AGAP1: variants seen among roughly 807,000 people sequenced by gnomAD.
AGAP1 encodes the protein ArfGAP with GTPase domain, ankyrin repeat and PH domain 1.
A neutral mutation model predicts 105.3 loss-of-function variants in AGAP1; 29 were observed. The observed-to-expected ratio is 0.28, with a 90% confidence interval of 0.21 to 0.38. The LOEUF (loss-of-function observed/expected upper bound fraction) is 0.38. AGAP1 is among the 10% of genes least tolerant of loss of function. AGAP1 has a pLI of 1.00. For missense variants in AGAP1, 998 were observed against 1,165.1 expected (o/e 0.86, Z 2.09); for synonymous variants, 509 against 485.9 (o/e 1.05, Z -0.63).
In AGAP1 at chr2:235,842,737, T is replaced by C. The variant is rs953352114; in HGVS notation, c.1050+35406T>C. Among the ~76,000 whole-genome samples, 1 of 151,112 alleles carries C rather than the reference T, an allele frequency of 6.6e-6. No homozygotes were observed. Among genetic ancestry groups the C allele is most frequent in the Non-Finnish European group, 1.5e-5 (1 of 68,012 alleles). On this transcript the variant is annotated intron_variant, in intron 9 of 17. Coordinates refer to ENST00000304032, the MANE Select transcript of AGAP1 (RefSeq NM_001037131.3). This position sits in a 1 kb window ranked among gnomAD's most constrained non-coding sequence, Gnocchi z 5.3. Reference sequence around the variant, plus strand: ...CAGGTTTGTTTTTTTTGTTTTGTTTTGTTTTTTTGAGATGGAGTCTCACTC... The same window carrying C: ...CAGGTTTGTTTTTTTTGTTTTGTTTCGTTTTTTTGAGATGGAGTCTCACTC...
chr2:235,763,990 G>GCAGCTGTGATCCGTGCA (rs1954689025), intron 6 of AGAP1, among the ~76,000 whole-genome samples: 1 of 94,810 alleles, frequency 1.1e-5, no homozygotes, highest in Non-Finnish European at 2.3e-5. Context: ...AGATCTGTGT[G>GCAGCTGTGATCCGTGCA]TGGCTGTGAT....
intron 1 of AGAP1, among the ~76,000 whole-genome samples, chr2:235,603,946 G>C (rs991516599): frequency 3.9e-5 from 6 of 152,082 alleles, no homozygotes; most frequent in Non-Finnish European, 7.3e-5. Context: ...CTTGGCACAG[G>C]CACCCATCAA....
At chr2:235,677,575 C>T (rs1257359071) in intron 1 of AGAP1, among the ~76,000 whole-genome samples, 1 of 152,010 alleles carries the variant, frequency 6.6e-6, no homozygotes, top group African/African-American at 2.4e-5. Context: ...GTGTTGTGGT[C>T]AACACACAGG....
chr2:235,704,969 C>T (rs66714775), intron 1 of AGAP1, among the ~76,000 whole-genome samples: 15,984 of 57,920 alleles, frequency 0.28, 1,601 homozygotes, highest in South Asian at 0.37. Context: ...ATGCTTTTTT[C>T]TTTTTTTTTT....
At chr2:235,949,100 T>G (rs1208532990) in intron 12 of AGAP1, among the ~76,000 whole-genome samples, 1 of 152,136 alleles carries the variant, frequency 6.6e-6, no homozygotes, top group African/African-American at 2.4e-5. Flanking sequence ...TCTCCCTGGG[T>G]GAGGCAAGCA....
intron 9 of AGAP1, among the ~76,000 whole-genome samples, chr2:235,825,037 A>G (rs1219270874): frequency 1.3e-5 from 2 of 152,244 alleles, no homozygotes; most frequent in Non-Finnish European, 2.9e-5. Context: ...AACCATATGA[A>G]AGACCATTTG....
chr2:236,022,639 A>T (rs1440266606), intron 13 of AGAP1, among the ~76,000 whole-genome samples: 1 of 151,974 alleles, frequency 6.6e-6, no homozygotes, highest in Admixed American at 6.6e-5. Context: ...GGTTCAAGTG[A>T]TTTTCATGCC....
intron 13 of AGAP1, among the ~76,000 whole-genome samples, chr2:236,018,507 C>G (rs1298303729): frequency 2.0e-5 from 3 of 152,224 alleles, no homozygotes; most frequent in Non-Finnish European, 2.9e-5. Context: ...AAACAGATGA[C>G]ATTATCATCC....
At chr2:235,974,412 C>T (rs2054775173) in intron 13 of AGAP1, among the ~76,000 whole-genome samples, 1 of 152,166 alleles carries the variant, frequency 6.6e-6, no homozygotes, top group Non-Finnish European at 1.5e-5. Context: ...AATGCAGGAC[C>T]AGACTGGATT....
Position 235,855,898 on chromosome 2 carries a change from A to G in AGAP1, c.1051-27447A>G, listed in dbSNP as rs2048665491. ...GCCTTGTCTCAGAAGTACTGAGAAT[A>G]TTATTATTATCATTATTATTATTAT... On this transcript the variant is annotated intron_variant, in intron 9 of 17. Transcript: ENST00000304032. The surrounding 1 kb of genome is among the most constrained non-coding windows in gnomAD (Gnocchi z 5.0). 6.6e-6 allele frequency among the ~76,000 whole-genome samples: 1 copy of G among 151,988 alleles called. No individual in the cohort carries two copies. Among genetic ancestry groups the G allele is most frequent in the Non-Finnish European group, 1.5e-5 (1 of 68,016 alleles).
intron 10 of AGAP1, among the ~76,000 whole-genome samples, chr2:235,895,697 TGTTGGATG>T (rs1162481833): frequency 7.0e-6 from 1 of 143,466 alleles, no homozygotes; most frequent in South Asian, 2.3e-4. Context: ...AACACTGGCT[TGTTGGATG>T]GATGGATGGA....
At chr2:235,868,160 T>G (rs2049271542) in intron 9 of AGAP1, among the ~76,000 whole-genome samples, 1 of 151,534 alleles carries the variant, frequency 6.6e-6, no homozygotes, top group Non-Finnish European at 1.5e-5. Context: ...TTAACAATAT[T>G]CACTGTAAAA....
intron 1 of AGAP1, among the ~76,000 whole-genome samples, chr2:235,581,377 A>C (rs1266202185): frequency 6.6e-6 from 1 of 151,046 alleles, no homozygotes; most frequent in Non-Finnish European, 1.5e-5. Context: ...GTGGAGGTGC[A>C]GGACTTCCAG....
In AGAP1 at chr2:235,739,683, C is replaced by T. The variant is rs114354744; in HGVS notation, c.311-1280C>T. Among the ~76,000 whole-genome samples, 2,343 of 152,352 alleles carry T rather than the reference C, an allele frequency of 0.015. 50 individuals carry two copies. The highest frequency in any genetic ancestry group is 0.048 in the African/African-American group (1,982 of 41,580). On this transcript the variant is annotated intron_variant, in intron 3 of 17. Coordinates refer to ENST00000304032, the MANE Select transcript of AGAP1 (RefSeq NM_001037131.3). This position sits in a 1 kb window ranked among gnomAD's most constrained non-coding sequence, Gnocchi z 5.3. The stretch of plus-strand genomic sequence containing the variant: ...TGAGCACACGAGCATGGCAGGAGCT[C>T]GCGGGAACGGGCCAACGCCCCACTG...
chr2:235,891,421 T>C lies in AGAP1; in HGVS notation c.1155+7972T>C, dbSNP rs2050533452. Among the ~76,000 whole-genome samples, 1 of 152,208 alleles carries C rather than the reference T, an allele frequency of 6.6e-6. No homozygotes were observed. Among genetic ancestry groups the C allele is most frequent in the East Asian group, 1.9e-4 (1 of 5,200 alleles). ...GTCTCATGGTTTTCAGACACTTTGC[T>C]GGATCACAGTTCAGGTGGATCGAGG... On this transcript the variant is annotated intron_variant, in intron 10 of 17. Transcript: ENST00000304032. The surrounding 1 kb of genome is among the most constrained non-coding windows in gnomAD (Gnocchi z 4.2).
At chr2:235,763,852 G>T (rs1325173566) in intron 6 of AGAP1, among the ~76,000 whole-genome samples, 3 of 152,230 alleles carry the variant, frequency 2.0e-5, no homozygotes, top group African/African-American at 7.2e-5. Flanking sequence ...TACTCCTGAG[G>T]ATGACACGTG....
intron 1 of AGAP1, among the ~76,000 whole-genome samples, chr2:235,651,619 C>T (rs771293567): frequency 1.5e-4 from 23 of 152,138 alleles, no homozygotes; most frequent in Non-Finnish European, 3.4e-4. Flanking sequence ...CATGTTGTGG[C>T]TGTTGGCAGA....
chr2:235,624,793 G>A (rs1370535560), intron 1 of AGAP1, among the ~76,000 whole-genome samples: 5 of 152,094 alleles, frequency 3.3e-5, no homozygotes. Flanking sequence ...GATCATGGGG[G>A]CAGATCCCTC....
chr2:235,741,186 A>G lies in AGAP1; in HGVS notation c.396+138A>G, dbSNP rs79840636. 1,853 of 615,076 alleles carry G rather than the reference A, an allele frequency of 3.0e-3. 34 individuals carry two copies. In the African/African-American group the frequency reaches 0.031, roughly 10 times the overall value. 38.1% of individuals were successfully genotyped at this position (615,076 alleles called of 1,614,324 possible). A position where few individuals can be genotyped will look rare whatever the true frequency, so the allele number is the denominator to read the frequency against. On this transcript the variant is annotated intron_variant, in intron 4 of 17. Coordinates refer to ENST00000304032, the MANE Select transcript of AGAP1 (RefSeq NM_001037131.3). This position sits in a 1 kb window ranked among gnomAD's most constrained non-coding sequence, Gnocchi z 4.9. ...CATAAAAAATGTTTCCTCTCACTGC[A>G]TTTTTTTCTCATCTCTAAGAAGCTA...
Sources: allele counts gnomAD v4.1 joint callset (sites outside exome capture counted in the v4.1 genomes callset), GRCh38; gene constraint gnomAD v4.1.1; non-coding constraint Gnocchi (gnomAD v3.1); transcripts MANE v1.5; gene names NCBI Gene and HGNC (gene_info 2026-07-23, HGNC 2026-07-21).